UBR3: variants seen among roughly 807,000 people sequenced by gnomAD.
UBR3 encodes the protein ubiquitin protein ligase E3 component n-recognin 3.
In UBR3, 85 loss-of-function variants were observed where a neutral mutation model predicts 243.2. The observed-to-expected ratio is 0.35, with a 90% CI of 0.29 to 0.42. UBR3 has a LOEUF of 0.42. Among genes scored for constraint, UBR3 ranks in the 10% least tolerant of loss-of-function variants. The pLI is 1.00. For missense variants in UBR3, 1,686 were observed against 2,300.8 expected (o/e 0.73, Z 5.47); for synonymous variants, 748 against 799.8 (o/e 0.94, Z 1.09).
intron 30 of UBR3, among the ~76,000 whole-genome samples, chr2:170,026,890 AAG>A (rs1229420786): frequency 6.6e-6 from 1 of 152,040 alleles, no homozygotes; most frequent in Non-Finnish European, 1.5e-5. Flanking sequence ...CATCTGGTAT[AAG>A]ACGTATTTTT....
At chr2:169,874,709 G>A (rs2083543356) in intron 2 of UBR3, among the ~76,000 whole-genome samples, 1 of 152,036 alleles carries the variant, frequency 6.6e-6, no homozygotes, top group African/African-American at 2.4e-5. Context: ...TAAGTCACTG[G>A]GGAGAATATA....
intron 26 of UBR3, among the ~76,000 whole-genome samples, chr2:169,997,833 G>A (rs1199834580): frequency 1.3e-5 from 2 of 152,110 alleles, no homozygotes; most frequent in Non-Finnish European, 2.9e-5. Flanking sequence ...TCTCAGAATG[G>A]GGGAGTGCAT....
intron 24 of UBR3, among the ~76,000 whole-genome samples, chr2:169,977,499 C>G (rs568687897): frequency 3.0e-4 from 46 of 152,252 alleles, no homozygotes; most frequent in Non-Finnish European, 5.4e-4. Context: ...GGCCTGCAAA[C>G]CCCCAAGAGT....
intron 23 of UBR3, among the ~76,000 whole-genome samples, chr2:169,950,688 C>CT (rs2086983449): frequency 6.6e-6 from 1 of 151,560 alleles, no homozygotes; most frequent in Non-Finnish European, 1.5e-5. Flanking sequence ...GGGTCAAGGA[C>CT]TATGAGCATG....
At chr2:169,887,065 C>G (rs142976999) in intron 5 of UBR3, among the ~76,000 whole-genome samples, 7 of 152,098 alleles carry the variant, frequency 4.6e-5, no homozygotes, top group African/African-American at 1.7e-4. Flanking sequence ...TCTAGAAAAT[C>G]CATCAAAAAA....
At chr2:169,994,541 T>C in intron 26 of UBR3, 85 bp downstream of exon 26, 1 of 1,452,222 alleles carries the variant, frequency 6.9e-7, no homozygotes, top group South Asian at 1.4e-5. Context: ...TTTACCAAAA[T>C]GGCATTCTGA....
chr2:169,863,411 A>G (rs2083154592), intron 1 of UBR3, among the ~76,000 whole-genome samples: 1 of 152,232 alleles, frequency 6.6e-6, no homozygotes, highest in Non-Finnish European at 1.5e-5. Flanking sequence ...GTCAAACAAA[A>G]TTTAGAGAAG....
rs913192236 is a variant in UBR3 at position 170,055,543 on chromosome 2, G to C, written c.4744G>C (p.Glu1582Gln). Residue 1582 changes from glutamate (E) to glutamine (Q), a missense_variant, in exon 33 of 39, where the codon GAA becomes CAA. Glu to Gln is a conservative substitution (Grantham distance 29). Around this residue, in one of 8 missense-constraint regions of UBR3, gnomAD observed 371 missense variants for 422.5 expected, o/e 0.88. Transcript: ENST00000272793. Reference sequence around the variant, plus strand: ...AGCACTCTCAGTTAAATGCAGCGAAGAAGATAGGTCAGCCTGGAAACACGC... The same window carrying C: ...AGCACTCTCAGTTAAATGCAGCGAACAAGATAGGTCAGCCTGGAAACACGC... ...LAALSVKCSE[E>Q]DRSAWKHAGA... 1.2e-6 allele frequency: 2 copies of C among 1,613,552 alleles called. No homozygotes were observed. The highest frequency in any genetic ancestry group is 2.7e-5 in the African/African-American group (2 of 74,898).
At chr2:169,953,027 CAG>C (rs2105363737) in intron 23 of UBR3, among the ~76,000 whole-genome samples, 1 of 152,162 alleles carries the variant, frequency 6.6e-6, no homozygotes, top group Non-Finnish European at 1.5e-5. Flanking sequence ...AGAAGATAAA[CAG>C]TGAATCAAAA....
chr2:169,959,910 G>A (rs1382681430), intron 24 of UBR3, among the ~76,000 whole-genome samples: 1 of 152,142 alleles, frequency 6.6e-6, no homozygotes, highest in Non-Finnish European at 1.5e-5. Flanking sequence ...TTGACCTCTT[G>A]TGATGGGTTG....
Position 169,827,755 on chromosome 2 carries a change from C to CG in UBR3, c.253dup (p.Ala85GlyfsTer11). ...GCGGCGGCCGGAGGCGGGGGCGGTCCGGGGGCGGCCGAGGAGGAGGCCCTG... is the reference window on the plus strand; with the variant it reads ...GCGGCGGCCGGAGGCGGGGGCGGTCCGGGGGGCGGCCGAGGAGGAGGCCCTG... On this transcript the variant is annotated frameshift_variant, in exon 1 of 39. Coordinates refer to ENST00000272793, the MANE Select transcript of UBR3 (RefSeq NM_172070.4). LOFTEE classifies it high-confidence loss of function. The CG allele has an allele frequency of 7.8e-7, 1 of 1,283,906 alleles. No individual in the cohort carries two copies. Among genetic ancestry groups the CG allele is most frequent in the South Asian group, 2.8e-5 (1 of 36,004 alleles). 79.5% of individuals were successfully genotyped at this position (1,283,906 alleles called of 1,614,324 possible). A position where few individuals can be genotyped will look rare whatever the true frequency, so the allele number is the denominator to read the frequency against.
chr2:169,996,712 T>A (rs1341830157), intron 26 of UBR3, among the ~76,000 whole-genome samples: 5 of 141,224 alleles, frequency 3.5e-5, no homozygotes, highest in Admixed American at 1.5e-4. Flanking sequence ...TTTTTTTTTT[T>A]AGATAGAGTC....
intron 19 of UBR3, among the ~76,000 whole-genome samples, chr2:169,941,624 A>G (rs988310808): frequency 2.6e-5 from 4 of 152,214 alleles, no homozygotes; most frequent in Non-Finnish European, 4.4e-5. Context: ...GTAATCTATT[A>G]TCACTTACTG....
intron 35 of UBR3, among the ~76,000 whole-genome samples, chr2:170,070,635 A>G (rs1214948624): frequency 2.0e-5 from 3 of 152,176 alleles, no homozygotes; most frequent in Non-Finnish European, 4.4e-5. Context: ...GCAAGGTTGT[A>G]GGATACAGAT....
At chr2:170,001,456 T>C in intron 27 of UBR3, 42 bp downstream of exon 27, 1 of 1,233,750 alleles carries the variant, frequency 8.1e-7, no homozygotes, top group South Asian at 1.2e-5. Flanking sequence ...CATGTATCTT[T>C]CCAGGTATTA....
At chr2:170,027,773 G>C (rs1281236455) in intron 30 of UBR3, among the ~76,000 whole-genome samples, 5 of 151,850 alleles carry the variant, frequency 3.3e-5, no homozygotes, top group African/African-American at 9.7e-5. Flanking sequence ...TATATGCTTA[G>C]TAGTCTCATA....
At chr2:169,971,684 T>C (rs1366402025) in intron 24 of UBR3, among the ~76,000 whole-genome samples, 1 of 152,198 alleles carries the variant, frequency 6.6e-6, no homozygotes, top group African/African-American at 2.4e-5. Flanking sequence ...CATTGATCTA[T>C]ATCTCTGTTT....
In UBR3 at chr2:170,075,431, G is replaced by A. The variant is rs187446518; in HGVS notation, c.5199+1824G>A. Among the ~76,000 whole-genome samples the A allele has an allele frequency of 1.5e-4, 23 of 152,204 alleles. No individual in the cohort carries two copies. In the East Asian group the frequency reaches 4.0e-3, roughly 27 times the overall value. ...AGAGTTTGTCTTCATATGAGCCATA[G>A]GTTAAAATCAAGCCTACATTTTAGA... On this transcript the variant is annotated intron_variant, in intron 36 of 38. Coordinates refer to ENST00000272793, the MANE Select transcript of UBR3 (RefSeq NM_172070.4).
intron 25 of UBR3, among the ~76,000 whole-genome samples, 159 bp downstream of exon 25, chr2:169,986,953 A>T (rs542862779): frequency 6.6e-6 from 1 of 152,322 alleles, no homozygotes; most frequent in Admixed American, 6.5e-5. Flanking sequence ...TATCGGTTAT[A>T]TCTTATTTTC....
Sources: gnomAD v4.1 joint callset for allele counts (sites outside exome capture counted in the v4.1 genomes callset) on GRCh38, gnomAD v4.1.1 for gene constraint, gnomAD v4.1.1 regional missense constraint, MANE v1.5 for transcripts, NCBI Gene and HGNC (gene_info 2026-07-23, HGNC 2026-07-21) for gene names.